The following EYA4 variants were observed in gnomAD, a reference collection of about 807,000 sequenced individuals.
EYA4 encodes the protein EYA transcriptional coactivator and phosphatase 4.
Under a neutral mutation model 87.9 loss-of-function variants are expected in EYA4, and 31 were observed. The observed-to-expected ratio is 0.35, with a 90% CI of 0.27 to 0.48. The LOEUF (loss-of-function observed/expected upper bound fraction) is 0.48. EYA4 is among the 20% of genes least tolerant of loss of function. The pLI, the probability that EYA4 is intolerant of heterozygous loss-of-function variation, is 0.99. For missense variants in EYA4, 678 were observed against 761.4 expected (o/e 0.89, Z 1.29); for synonymous variants, 263 against 270.6 (o/e 0.97, Z 0.28).
chr6:133,321,136 G>A lies in EYA4; in HGVS notation c.33+46323G>A, dbSNP rs9493591. On this transcript the variant is annotated intron_variant, in intron 2 of 19. Coordinates refer to ENST00000355286, the MANE Select transcript of EYA4 (RefSeq NM_004100.5). ...AATAAGAATCTGCTGTCAGTCTGTC[G>A]GTTGGTCCTTTGTTAGTAATCTGTT... Among the ~76,000 whole-genome samples the A allele has an allele frequency of 4.9e-3, 750 of 152,186 alleles. 5 individuals are homozygous for A. Among genetic ancestry groups the A allele is most frequent in the African/African-American group, 0.017 (719 of 41,550 alleles).
In EYA4 at chr6:133,530,854, T is replaced by C. The variant is rs752513150; in HGVS notation, c.*2049T>C. On this transcript the variant is annotated 3_prime_UTR_variant, in exon 20 of 20. Coordinates refer to ENST00000355286, the MANE Select transcript of EYA4 (RefSeq NM_004100.5). ...ACCTTTAATAATATAAAAATAATGA[T>C]AGTAAATCTTATACTTCTGTTGGCC... is the stretch of plus-strand genomic sequence containing the variant. 4.5e-5 allele frequency: 45 copies of C among 1,008,670 alleles called. No homozygotes were observed. Among genetic ancestry groups the C allele is most frequent in the Non-Finnish European group, 5.1e-5 (43 of 842,710 alleles). 62.5% of individuals were successfully genotyped at this position (1,008,670 alleles called of 1,614,324 possible).
chr6:133,318,472 A>G (rs1197483290), intron 2 of EYA4, among the ~76,000 whole-genome samples: 1 of 152,190 alleles, frequency 6.6e-6, no homozygotes, highest in East Asian at 1.9e-4. Context: ...TTCAGATCCT[A>G]GTTCGCTTGG....
chr6:133,431,449 T>C (rs1791175147), intron 3 of EYA4, among the ~76,000 whole-genome samples: 1 of 152,206 alleles, frequency 6.6e-6, no homozygotes, highest in Non-Finnish European at 1.5e-5. Context: ...TTTGTGCAAG[T>C]AATAGCACTG....
intron 2 of EYA4, among the ~76,000 whole-genome samples, chr6:133,355,222 C>T (rs1489768008): frequency 6.6e-6 from 1 of 152,018 alleles, no homozygotes; most frequent in Non-Finnish European, 1.5e-5. Flanking sequence ...AGTTATTTTT[C>T]CTGATCCTCT....
intron 3 of EYA4, among the ~76,000 whole-genome samples, chr6:133,405,791 G>C (rs900601841): frequency 6.6e-6 from 1 of 152,062 alleles, no homozygotes; most frequent in Non-Finnish European, 1.5e-5. Flanking sequence ...TGAATGGGGG[G>C]AAGGGGGTGA....
intron 14 of EYA4, 51 bp from the exon 15 acceptor site, chr6:133,512,670 G>A: frequency 7.1e-7 from 1 of 1,402,162 alleles, no homozygotes; most frequent in Non-Finnish European, 1.0e-6. Context: ...CTTCAAGCAT[G>A]GTAACAAGCA....
At chr6:133,518,386 C>G (rs1799788422) in intron 17 of EYA4, among the ~76,000 whole-genome samples, 1 of 152,052 alleles carries the variant, frequency 6.6e-6, no homozygotes, top group Non-Finnish European at 1.5e-5. Flanking sequence ...ATGGAATTTG[C>G]TGAGTTATCC....
At chr6:133,503,373 A>G (rs757132581) in intron 13 of EYA4, among the ~76,000 whole-genome samples, 2 of 152,238 alleles carry the variant, frequency 1.3e-5, no homozygotes, top group Non-Finnish European at 2.9e-5. Context: ...ACTTAAAAAG[A>G]AAAATTGGCA....
intron 4 of EYA4, 72 bp downstream of exon 4, chr6:133,446,826 T>C: frequency 7.5e-7 from 1 of 1,328,426 alleles, no homozygotes; most frequent in Non-Finnish European, 1.1e-6. Flanking sequence ...CTTAGAGATC[T>C]GCTAATAAAT....
At chr6:133,379,525 G>A (rs149482043) in intron 2 of EYA4, among the ~76,000 whole-genome samples, 72 of 151,880 alleles carry the variant, frequency 4.7e-4, no homozygotes, top group Admixed American at 9.9e-4. Flanking sequence ...TTTTGTCTTC[G>A]GTATATCTAA....
intron 2 of EYA4, among the ~76,000 whole-genome samples, chr6:133,343,517 C>T (rs1478697341): frequency 6.6e-6 from 1 of 151,418 alleles, no homozygotes; most frequent in African/African-American, 2.4e-5. Context: ...TAGCAGATAG[C>T]CTCCCCCTAG....
At chr6:133,328,446 G>A (rs903536780) in intron 2 of EYA4, among the ~76,000 whole-genome samples, 1 of 152,092 alleles carries the variant, frequency 6.6e-6, no homozygotes, top group Non-Finnish European at 1.5e-5. Context: ...TCAGATCAAT[G>A]TAAGTAATCT....
Position 133,436,645 on chromosome 6 carries a change from A to G in EYA4, c.84-9985A>G, listed in dbSNP as rs1030633036. 2.0e-5 allele frequency among the ~76,000 whole-genome samples: 3 copies of G among 152,244 alleles called. No homozygotes were observed. In the East Asian group the frequency reaches 5.8e-4, roughly 29 times the overall value. ...TTTTGTCACATAGGAAGAAAAAATT[A>G]TGAGCAAGTCTTGCCCTTAAAATCA... On this transcript the variant is annotated intron_variant, in intron 3 of 19. Transcript: ENST00000355286.
intron 2 of EYA4, among the ~76,000 whole-genome samples, chr6:133,341,534 G>T (rs1414672065): frequency 6.6e-6 from 1 of 152,112 alleles, no homozygotes; most frequent in African/African-American, 2.4e-5. Flanking sequence ...ATTCCAGCTG[G>T]ATTTAGCTTT....
In EYA4 at chr6:133,329,408, A is replaced by G. The variant is rs532146764; in HGVS notation, c.34-52984A>G. Among the ~76,000 whole-genome samples, 9 of 152,226 alleles carry G rather than the reference A, an allele frequency of 5.9e-5. No homozygotes were observed. In the East Asian group the frequency reaches 1.3e-3, roughly 23 times the overall value. On this transcript the variant is annotated intron_variant, in intron 2 of 19. Transcript: ENST00000355286. ...TAATGTGTAACCTCTCATGAAAGAGATGAAATTCTGGACGGAGAATTTGAA... is the reference window on the plus strand; with the variant it reads ...TAATGTGTAACCTCTCATGAAAGAGGTGAAATTCTGGACGGAGAATTTGAA...
Position 133,298,301 on chromosome 6 carries a change from C to G in EYA4, c.33+23488C>G, listed in dbSNP as rs143400866. 2.5e-3 allele frequency among the ~76,000 whole-genome samples: 382 copies of G among 152,232 alleles called. 1 individual carries two copies. The highest frequency in any genetic ancestry group is 8.8e-3 in the African/African-American group (365 of 41,556). ...GCTTTATACTTTGTCTGCTCCAGAT[C>G]TGGAAGCAGCCAATTTTTCTGACGA... On this transcript the variant is annotated intron_variant, in intron 2 of 19. Coordinates refer to ENST00000355286, the MANE Select transcript of EYA4 (RefSeq NM_004100.5).
chr6:133,254,478 T>C (rs1775179373), intron 1 of EYA4, among the ~76,000 whole-genome samples: 1 of 152,180 alleles, frequency 6.6e-6, no homozygotes, highest in African/African-American at 2.4e-5. Flanking sequence ...TGTTTAGTTT[T>C]TAGTGGTTTG....
At position 133,529,667 on chromosome 6, in the gene EYA4, G is replaced by C; in HGVS notation, c.*862G>C. ...ACAACAATAATAAAGGAAAGCTTGT[G>C]TTTCATTTGGGTTCTTAATAATTCC... On this transcript the variant is annotated 3_prime_UTR_variant, in exon 20 of 20. Transcript: ENST00000355286. 2.0e-6 allele frequency: 2 copies of C among 984,086 alleles called. No homozygotes were observed. Among genetic ancestry groups the C allele is most frequent in the Non-Finnish European group, 2.4e-6 (2 of 828,698 alleles). 61.0% of individuals were successfully genotyped at this position (984,086 alleles called of 1,614,324 possible).
intron 2 of EYA4, among the ~76,000 whole-genome samples, chr6:133,324,801 A>T (rs1051133190): frequency 6.6e-6 from 1 of 151,926 alleles, no homozygotes; most frequent in East Asian, 1.9e-4. Context: ...AAAGCTTTTC[A>T]TTGGGAAATT....
Sources: gnomAD v4.1 joint callset for allele counts (sites outside exome capture counted in the v4.1 genomes callset) on GRCh38, gnomAD v4.1.1 for gene constraint, MANE v1.5 for transcripts, NCBI Gene and HGNC (gene_info 2026-07-23, HGNC 2026-07-21) for gene names.